The following LATS2 variants were observed in gnomAD, a reference collection of about 807,000 sequenced individuals.
LATS2 encodes large tumor suppressor kinase 2.
Under a neutral mutation model 76.0 loss-of-function variants are expected in LATS2, and 24 were observed. The ratio of observed to expected loss-of-function variants is 0.32; its 90% confidence interval spans 0.23 to 0.44. The LOEUF is 0.44. Among genes scored for constraint, LATS2 ranks in the 20% least tolerant of loss-of-function variants. The pLI, the probability that LATS2 is intolerant of heterozygous loss-of-function variation, is 1.00. For synonymous variants in LATS2, 692 were observed against 635.4 expected, an observed-to-expected ratio of 1.09 and a Z score of -1.34; for missense variants, 1,286 against 1,481.2, an observed-to-expected ratio of 0.87 and a Z score of 2.16.
intron 1 of LATS2, among the ~76,000 whole-genome samples, chr13:21,048,146 G>T (rs1429691371): frequency 6.6e-6 from 1 of 152,198 alleles, no homozygotes; most frequent in Non-Finnish European, 1.5e-5. Context: ...ACTCATTTCA[G>T]TGACTTTGTG....
chr13:21,011,893 C>A (rs867323601), intron 2 of LATS2, among the ~76,000 whole-genome samples: 1 of 152,200 alleles, frequency 6.6e-6, no homozygotes, highest in Non-Finnish European at 1.5e-5. Flanking sequence ...TGGCTACAAA[C>A]CAGTACAGTC....
intron 2 of LATS2, among the ~76,000 whole-genome samples, chr13:20,992,911 T>A (rs1870568668): frequency 6.6e-6 from 1 of 151,972 alleles, no homozygotes; most frequent in African/African-American, 2.4e-5. Flanking sequence ...GGTGTGTGCC[T>A]GTAGTTCCAG....
intron 7 of LATS2, 40 bp downstream of exon 7, chr13:20,979,651 A>G (rs765347840): frequency 2.7e-6 from 3 of 1,112,880 alleles, no homozygotes; most frequent in Non-Finnish European, 4.1e-6. Context: ...AGCAAATCAG[A>G]TGTCTACAGC....
At chr13:20,980,581 G>C (rs1049174540) in intron 6 of LATS2, among the ~76,000 whole-genome samples, 16 of 152,176 alleles carry the variant, frequency 1.1e-4, no homozygotes, top group African/African-American at 3.4e-4. Flanking sequence ...GTCCAAGTTT[G>C]GCAACAGAGG....
At position 21,017,430 on chromosome 13, in the gene LATS2, C is replaced by T. The variant is rs761179859; in HGVS notation, c.343-26026G>A. On this transcript the variant is annotated intron_variant, in intron 2 of 7. Transcript: ENST00000382592. ...CCTCAAGCGATCCACCAGCCTCGGC[C>T]TCTCAAGGTACAGGGATTACAGGCA... Among the ~76,000 whole-genome samples, 6 of 152,190 alleles carry T rather than the reference C, an allele frequency of 3.9e-5. 1 individual carries two copies. Among genetic ancestry groups the T allele is most frequent in the Non-Finnish European group, 7.4e-5 (5 of 67,992 alleles).
At position 20,991,075 on chromosome 13, in the gene LATS2, A is replaced by C. The variant is rs941936745; in HGVS notation, c.475+197T>G. Among the ~76,000 whole-genome samples, 1 of 152,232 alleles carries C rather than the reference A, an allele frequency of 6.6e-6. No individual in the cohort carries two copies. Among genetic ancestry groups the C allele is most frequent in the African/African-American group, 2.4e-5 (1 of 41,462 alleles). On this transcript the variant is annotated intron_variant, in intron 3 of 7. Transcript: ENST00000382592. The surrounding 1 kb of genome is among the most constrained non-coding windows in gnomAD (Gnocchi z 4.9). ...AAGCGCCAGGCGTGTCCCACGGTCT[A>C]CCACTTGGGGCTGCTCCCGCCAGGG...
intron 2 of LATS2, among the ~76,000 whole-genome samples, chr13:21,020,660 G>A (rs1872019532): frequency 6.6e-6 from 1 of 152,130 alleles, no homozygotes; most frequent in African/African-American, 2.4e-5. Context: ...AAACAGCCAG[G>A]CCAGGTCTGC....
At chr13:21,021,071 G>A (rs1872040461) in intron 2 of LATS2, among the ~76,000 whole-genome samples, 1 of 152,212 alleles carries the variant, frequency 6.6e-6, no homozygotes, top group South Asian at 2.1e-4. Context: ...GGTTATAGAT[G>A]AAACAAGACA....
intron 2 of LATS2, among the ~76,000 whole-genome samples, chr13:21,015,757 T>A (rs1471493456): frequency 1.3e-5 from 2 of 152,180 alleles, no homozygotes; most frequent in African/African-American, 2.4e-5. Flanking sequence ...TGGAGTGCAA[T>A]GGCGCGACCT....
At chr13:21,012,410 C>T (rs537996639) in intron 2 of LATS2, among the ~76,000 whole-genome samples, 2 of 152,248 alleles carry the variant, frequency 1.3e-5, no homozygotes, top group South Asian at 4.2e-4. Flanking sequence ...AAGAGTTGGA[C>T]TATGAAGTTA....
intron 2 of LATS2, among the ~76,000 whole-genome samples, chr13:21,045,477 C>G (rs1308439370): frequency 6.6e-6 from 1 of 152,198 alleles, no homozygotes; most frequent in Non-Finnish European, 1.5e-5. Flanking sequence ...AAAGGAAAAG[C>G]AGCTCAAAAG....
chr13:20,993,143 G>T (rs1870585895), intron 2 of LATS2, among the ~76,000 whole-genome samples: 1 of 152,086 alleles, frequency 6.6e-6, no homozygotes, highest in African/African-American at 2.4e-5. Context: ...CCTGGCCATG[G>T]TCACAGAGCC....
chr13:21,003,670 G>C (rs1169741791), intron 2 of LATS2, among the ~76,000 whole-genome samples: 1 of 152,076 alleles, frequency 6.6e-6, no homozygotes, highest in Non-Finnish European at 1.5e-5. Context: ...TTGATCTCCT[G>C]ATCTCAAGTG....
At chr13:20,976,881 G>A (rs1869648659) in intron 7 of LATS2, among the ~76,000 whole-genome samples, 1 of 152,138 alleles carries the variant, frequency 6.6e-6, no homozygotes, top group Non-Finnish European at 1.5e-5. Flanking sequence ...AAACAGTTTG[G>A]GAGTTCCTCA....
Position 20,981,542 on chromosome 13 carries a change from C to A in LATS2, c.2589G>T (p.Lys863Asn), listed in dbSNP as rs1261252238. The A allele has an allele frequency of 6.2e-7, 1 of 1,614,168 alleles. No individual in the cohort carries two copies. The highest frequency in any genetic ancestry group is 8.5e-7 in the Non-Finnish European group (1 of 1,180,014). ...AATGTGCCAGGCACCTCTGGTGCTGCTTCCGCGCCCTCTGCTCTAGGGTCT... is the reference window on the plus strand; with the variant it reads ...AATGTGCCAGGCACCTCTGGTGCTGATTCCGCGCCCTCTGCTCTAGGGTCT... ...RLKTLEQRAR[K>N]QHQRCLAHSL... Residue 863 changes from lysine to asparagine, a missense_variant, in exon 6 of 8, where the codon AAG becomes AAT. By Grantham distance (94) the Lys-to-Asn change is moderately conservative. Coordinates refer to ENST00000382592, the MANE Select transcript of LATS2 (RefSeq NM_014572.3).
chr13:21,001,125 A>C (rs1831575876), intron 2 of LATS2, among the ~76,000 whole-genome samples: 1 of 152,220 alleles, frequency 6.6e-6, no homozygotes, highest in South Asian at 2.1e-4. Flanking sequence ...AGAATATACA[A>C]GCTAATCCCA....
At chr13:21,061,006 AT>A (rs1189870171) in intron 1 of LATS2, among the ~76,000 whole-genome samples, 1 of 146,248 alleles carries the variant, frequency 6.8e-6, no homozygotes, top group Non-Finnish European at 1.5e-5. Flanking sequence ...CCCCGCCGGG[AT>A]CCCGGCCGCC....
Position 20,975,220 on chromosome 13 carries a change from A to G in LATS2, c.2917T>C (p.Phe973Leu). ...GADDLKAHPFFSAIDFSSDIR... is the reference protein window; with the variant it reads ...GADDLKAHPFLSAIDFSSDIR... ...TCACTGGAGAAGTCAATGGCGCTGA[A>G]GAAGGGGTGGGCCTTCAGGTCATCG... Residue 973 changes from phenylalanine to leucine, a missense_variant, in exon 8 of 8, where the codon TTC becomes CTC. Coordinates refer to ENST00000382592, the MANE Select transcript of LATS2 (RefSeq NM_014572.3). 1 of 1,614,218 alleles carries G rather than the reference A, an allele frequency of 6.2e-7. No individual in the cohort carries two copies.
rs565252852 is a variant in LATS2, at chr13:20,994,036, G to T, written c.343-2632C>A. Among the ~76,000 whole-genome samples the T allele has an allele frequency of 1.2e-4, 18 of 152,352 alleles. No individual in the cohort carries two copies. The East Asian group carries it at 1.9e-3, about 16-fold the overall frequency. On this transcript the variant is annotated intron_variant, in intron 2 of 7. Coordinates refer to ENST00000382592, the MANE Select transcript of LATS2 (RefSeq NM_014572.3). The stretch of plus-strand genomic sequence containing the variant: ...CCAGTACCTGTTGACTGCCAAGGAA[G>T]GGACAGCTCCAGGACAGACTAGGTC...
Sources: gnomAD v4.1 joint callset for allele counts (sites outside exome capture counted in the v4.1 genomes callset) on GRCh38, gnomAD v4.1.1 for gene constraint, Gnocchi (gnomAD v3.1) non-coding constraint, MANE v1.5 for transcripts, NCBI Gene and HGNC (gene_info 2026-07-23, HGNC 2026-07-21) for gene names.